FRMD5: variants seen among roughly 807,000 people sequenced by gnomAD.
FRMD5 encodes the protein FERM domain-containing protein 5.
A neutral mutation model predicts 69.0 loss-of-function variants in FRMD5; 20 were observed. The ratio of observed to expected loss-of-function variants is 0.29; its 90% confidence interval spans 0.20 to 0.42. The LOEUF is 0.42. FRMD5 is among the 10% of genes least tolerant of loss of function. The pLI is 1.00. For synonymous variants in FRMD5, 271 were observed against 260.1 expected, an observed-to-expected ratio of 1.04 and a Z score of -0.40; for missense variants, 595 against 708.6, an observed-to-expected ratio of 0.84 and a Z score of 1.82.
In FRMD5 at chr15:44,161,969, CTCTTTTCCTTG is replaced by C. The variant is rs553591045; in HGVS notation, c.102+32973_102+32983del. 7.0e-3 allele frequency among the ~76,000 whole-genome samples: 1,069 copies of C among 152,064 alleles called. 2 individuals are homozygous for C. The highest frequency in any genetic ancestry group is 0.011 in the Non-Finnish European group (768 of 67,954). On this transcript the variant is annotated intron_variant, in intron 1 of 13. Coordinates refer to ENST00000417257, the MANE Select transcript of FRMD5 (RefSeq NM_032892.5). ...AAGGTTATAAGAAACTCAGACTTCC[CTCTTTTCCTTG>C]TCTTTTCCTTGTCTCTCCTAGTGCC...
At chr15:44,114,835 T>C (rs1230110406) in intron 1 of FRMD5, among the ~76,000 whole-genome samples, 2 of 152,146 alleles carry the variant, frequency 1.3e-5, no homozygotes, top group Non-Finnish European at 2.9e-5. Flanking sequence ...AAGAGAAAAG[T>C]AGACTGGCTT....
At chr15:44,000,154 A>AT (rs964121598) in intron 1 of FRMD5, among the ~76,000 whole-genome samples, 2 of 150,952 alleles carry the variant, frequency 1.3e-5, no homozygotes, top group African/African-American at 4.9e-5. Flanking sequence ...ATGCCCAGCT[A>AT]TTTTTTATTT....
At chr15:44,014,593 CG>C (rs1890871654) in intron 1 of FRMD5, among the ~76,000 whole-genome samples, 2 of 152,004 alleles carry the variant, frequency 1.3e-5, no homozygotes, top group East Asian at 3.9e-4. Flanking sequence ...AAAAATTAGC[CG>C]GGTGTGGTGG....
At chr15:43,914,850 T>C (rs765992053) in intron 4 of FRMD5, among the ~76,000 whole-genome samples, 1 of 151,160 alleles carries the variant, frequency 6.6e-6, no homozygotes, top group Non-Finnish European at 1.5e-5. Context: ...CTCAGCTTCC[T>C]GAGTAGCAGG....
chr15:43,909,076 T>G (rs971800138), intron 5 of FRMD5, among the ~76,000 whole-genome samples: 1 of 152,012 alleles, frequency 6.6e-6, no homozygotes, highest in African/African-American at 2.4e-5. Context: ...TTCAGTGTTT[T>G]CTGGCTCTAG....
chr15:43,902,293 G>C, intron 6 of FRMD5, 31 bp from the exon 7 acceptor site: 2 of 1,572,056 alleles, frequency 1.3e-6, no homozygotes, highest in South Asian at 1.1e-5. Context: ...TGATTTCAAG[G>C]TGTCTTGTTC....
chr15:43,894,892 T>C (rs1567215654), intron 7 of FRMD5, among the ~76,000 whole-genome samples: 1 of 152,168 alleles, frequency 6.6e-6, no homozygotes, highest in Non-Finnish European at 1.5e-5. Context: ...TGAGGGTTGA[T>C]CGTGTTACCT....
intron 1 of FRMD5, among the ~76,000 whole-genome samples, chr15:44,091,272 A>G (rs914171923): frequency 6.6e-6 from 1 of 152,170 alleles, no homozygotes; most frequent in Non-Finnish European, 1.5e-5. Flanking sequence ...TATGAAATCA[A>G]GCTTATTTAG....
intron 1 of FRMD5, among the ~76,000 whole-genome samples, chr15:44,086,864 T>C (rs1894217156): frequency 6.6e-6 from 1 of 152,176 alleles, no homozygotes; most frequent in Admixed American, 6.5e-5. Context: ...ATGAAACATT[T>C]GTATTATAAA....
intron 1 of FRMD5, among the ~76,000 whole-genome samples, chr15:44,017,295 G>A (rs959189595): frequency 3.3e-5 from 5 of 151,398 alleles, no homozygotes; most frequent in Non-Finnish European, 5.9e-5. Context: ...CCAAGATAGC[G>A]CCACTGCAGT....
intron 1 of FRMD5, among the ~76,000 whole-genome samples, chr15:43,928,947 G>T (rs1302684458): frequency 1.3e-5 from 2 of 152,146 alleles, no homozygotes; most frequent in East Asian, 1.9e-4. Flanking sequence ...TCTTCCCAAA[G>T]ACATTATTGG....
rs917978687 is a variant in FRMD5 at position 43,873,757 on chromosome 15, T to G, written c.*128A>C. On this transcript the variant is annotated 3_prime_UTR_variant, in exon 14 of 14. Transcript: ENST00000417257. ...TGGGAAACACCCTCCTAGGCTGCAG[T>G]GGACTTTGAGTCATGAGAGGAGGAC... The G allele has an allele frequency of 3.3e-6, 5 of 1,530,330 alleles. No homozygotes were observed. Among genetic ancestry groups the G allele is most frequent in the Non-Finnish European group, 4.4e-6 (5 of 1,144,010 alleles). 94.8% of individuals were successfully genotyped at this position (1,530,330 alleles called of 1,614,324 possible).
At chr15:43,917,382 C>G (rs1198512595) in intron 4 of FRMD5, among the ~76,000 whole-genome samples, 1 of 152,028 alleles carries the variant, frequency 6.6e-6, no homozygotes, top group East Asian at 1.9e-4. Flanking sequence ...GGTATTTTAA[C>G]AAAACTCTTG....
upstream of FRMD5, among the ~76,000 whole-genome samples, chr15:44,195,439 G>T (rs530752790): frequency 6.6e-6 from 1 of 152,186 alleles, no homozygotes; most frequent in Non-Finnish European, 1.5e-5. Context: ...AAAAGCAGTC[G>T]GACCTAGTCA....
In FRMD5 at chr15:43,871,064, A is replaced by C. The variant is rs545885859; in HGVS notation, c.*2821T>G. 23 of 152,352 alleles carry C rather than the reference A, an allele frequency of 1.5e-4. No individual in the cohort carries two copies. The highest frequency in any genetic ancestry group is 5.5e-4 in the African/African-American group (23 of 41,586). 9.4% of individuals were successfully genotyped at this position (152,352 alleles called of 1,614,324 possible). On this transcript the variant is annotated 3_prime_UTR_variant, in exon 14 of 14. Transcript: ENST00000417257. ...TGCTTTTTCTACAATGAGATAAACT[A>C]ATTTTGAGAGAAAATGAGAGACATG...
chr15:44,162,136 T>C (rs1486571326), intron 1 of FRMD5, among the ~76,000 whole-genome samples: 1 of 152,172 alleles, frequency 6.6e-6, no homozygotes, highest in Non-Finnish European at 1.5e-5. Context: ...GGCTAATTTT[T>C]GTATTTTTAG....
At chr15:44,005,660 G>A (rs777483600) in intron 1 of FRMD5, among the ~76,000 whole-genome samples, 81 of 152,072 alleles carry the variant, frequency 5.3e-4, no homozygotes, top group Admixed American at 9.2e-4. Context: ...TCACATGGCC[G>A]GAGCACGAGG....
intron 1 of FRMD5, among the ~76,000 whole-genome samples, chr15:44,038,520 C>CTTTTGTTTTTTTTTT (rs1892027187): frequency 1.6e-5 from 1 of 63,200 alleles, no homozygotes; most frequent in Non-Finnish European, 2.8e-5. Context: ...CTAGCCAGAG[C>CTTTTGTTTTTTTTTT]TTTTTTTTTT....
intron 1 of FRMD5, among the ~76,000 whole-genome samples, chr15:44,010,033 A>T (rs1331490938): frequency 6.6e-6 from 1 of 152,194 alleles, no homozygotes; most frequent in African/African-American, 2.4e-5. Flanking sequence ...AGGGGTTTAA[A>T]CATTTTTATT....
Sources: gnomAD v4.1 joint callset for allele counts (sites outside exome capture counted in the v4.1 genomes callset) on GRCh38, gnomAD v4.1.1 for gene constraint, MANE v1.5 for transcripts, NCBI Gene and HGNC (gene_info 2026-07-23, HGNC 2026-07-21) for gene names.